The following ZMAT5 variants were observed in gnomAD, a reference collection of about 807,000 sequenced individuals.
ZMAT5 encodes the protein zinc finger matrin-type protein 5.
ZMAT5 carries 23 observed loss-of-function variants against 28.0 expected under a neutral mutation model. The ratio of observed to expected loss-of-function variants is 0.82; its 90% CI spans 0.59 to 1.16. The LOEUF is 1.16. Among genes scored for constraint, ZMAT5 ranks in the 50% most tolerant of loss-of-function variants. The probability of loss-of-function intolerance (pLI) is 0.00; values close to 1 mark genes in which losing one functional copy is unlikely to be tolerated. For missense variants in ZMAT5, 173 were observed against 212.7 expected (o/e 0.81, Z 1.16); for synonymous variants, 76 against 84.1 (o/e 0.90, Z 0.52).
At chr22:29,731,713 A>G in intron 5 of ZMAT5, 1 of 214,446 alleles carries the variant, frequency 4.7e-6, no homozygotes, top group Non-Finnish European at 9.1e-6. Flanking sequence ...GAGGAAAGAC[A>G]TACTGTGTGA....
rs534290252 is a variant in ZMAT5, at chr22:29,734,867, G to A, written c.383+3463C>T. Among the ~76,000 whole-genome samples the A allele has an allele frequency of 5.9e-5, 9 of 152,190 alleles. No homozygotes were observed. The South Asian group carries it at 1.9e-3, about 32-fold the overall frequency. On this transcript the variant is annotated intron_variant, in intron 5 of 5. Transcript: ENST00000344318. ...CCCAGCCCTGCAAATGGGGCTGTGC[G>A]GCCAGAGGTGGAGGATGTGGGGAAG...
At chr22:29,761,436 C>G (rs920345867) in intron 1 of ZMAT5, among the ~76,000 whole-genome samples, 3 of 151,858 alleles carry the variant, frequency 2.0e-5, no homozygotes, top group African/African-American at 7.3e-5. Context: ...AAAAATTAGC[C>G]AGACATGGTG....
At chr22:29,766,555 T>C (rs73392847) in intron 1 of ZMAT5, among the ~76,000 whole-genome samples, 2,555 of 152,316 alleles carry the variant, frequency 0.017, 76 homozygotes, top group African/African-American at 0.059. Flanking sequence ...CCCCAGGTAC[T>C]CCAAAGCCCT....
chr22:29,738,894 C>T (rs2147218864), intron 4 of ZMAT5, among the ~76,000 whole-genome samples: 1 of 152,082 alleles, frequency 6.6e-6, no homozygotes, highest in African/African-American at 2.4e-5. Context: ...GCCTGTAATC[C>T]CAGCTACTTG....
In ZMAT5 at chr22:29,731,220, G is replaced by A; in HGVS notation, c.*5C>T. 2.0e-6 allele frequency: 3 copies of A among 1,491,906 alleles called. No individual in the cohort carries two copies. The highest frequency in any genetic ancestry group is 2.7e-6 in the Non-Finnish European group (3 of 1,131,000). The allele number at this position is 1,491,906 out of a possible 1,614,324, so 92.4% of individuals were successfully genotyped here. On this transcript the variant is annotated 3_prime_UTR_variant, in exon 6 of 6. Coordinates refer to ENST00000344318, the MANE Select transcript of ZMAT5 (RefSeq NM_001003692.2). ...CCACGTGGGGGTCAGTCGGGGGCAA[G>A]GGGCTCAGCCCCACTGGACTCTGGG...
intron 1 of ZMAT5, among the ~76,000 whole-genome samples, chr22:29,764,671 T>C (rs1453476102): frequency 6.6e-6 from 1 of 152,082 alleles, no homozygotes; most frequent in Non-Finnish European, 1.5e-5. Flanking sequence ...TGGCTAATTT[T>C]TTTGTATTTT....
At chr22:29,743,628 C>T (rs960213161) in intron 2 of ZMAT5, among the ~76,000 whole-genome samples, 1 of 152,022 alleles carries the variant, frequency 6.6e-6, no homozygotes, top group Admixed American at 6.6e-5. Flanking sequence ...GATGGGGTTT[C>T]GCCATGTTAC....
At chr22:29,745,704 C>T (rs2068003085) in intron 2 of ZMAT5, among the ~76,000 whole-genome samples, 1 of 152,250 alleles carries the variant, frequency 6.6e-6, no homozygotes, top group South Asian at 2.1e-4. Flanking sequence ...GTGAGTGACA[C>T]CTGGGGACTG....
chr22:29,756,493 G>C (rs1249086294), intron 1 of ZMAT5, among the ~76,000 whole-genome samples: 2 of 152,156 alleles, frequency 1.3e-5, no homozygotes, highest in African/African-American at 2.4e-5. Flanking sequence ...CCTGGGGTAA[G>C]GCACATCATC....
intron 1 of ZMAT5, among the ~76,000 whole-genome samples, chr22:29,766,047 G>A (rs1367161369): frequency 6.6e-6 from 1 of 152,142 alleles, no homozygotes; most frequent in African/African-American, 2.4e-5. Context: ...AGACTCCTTG[G>A]CCAGACGCGG....
intron 2 of ZMAT5, chr22:29,747,943 T>C: frequency 4.0e-6 from 1 of 247,260 alleles, no homozygotes; most frequent in Non-Finnish European, 8.1e-6. Flanking sequence ...CTCTCTGCCC[T>C]TGGAACAGGG....
chr22:29,744,289 C>T (rs5997515), intron 2 of ZMAT5, among the ~76,000 whole-genome samples: 9,145 of 150,644 alleles, frequency 0.061, 320 homozygotes, highest in Middle Eastern at 0.1. Context: ...CTCTGAACAG[C>T]GCAAACATCC....
At chr22:29,753,091 G>A (rs965435498) in intron 1 of ZMAT5, among the ~76,000 whole-genome samples, 3 of 152,166 alleles carry the variant, frequency 2.0e-5, no homozygotes, top group Non-Finnish European at 4.4e-5. Flanking sequence ...TGTGCCTGGG[G>A]AGGCTGTCCG....
chr22:29,732,301 G>A (rs2147212339), intron 5 of ZMAT5, among the ~76,000 whole-genome samples: 1 of 152,348 alleles, frequency 6.6e-6, no homozygotes, highest in East Asian at 1.9e-4. Flanking sequence ...TCAAAAACAT[G>A]CAGACCCTTT....
At chr22:29,754,162 G>T (rs900772932) in intron 1 of ZMAT5, among the ~76,000 whole-genome samples, 2 of 152,148 alleles carry the variant, frequency 1.3e-5, no homozygotes, top group African/African-American at 4.8e-5. Context: ...ACCATCATGG[G>T]GTGCTGACTA....
At chr22:29,737,931 G>A (rs992804353) in intron 5 of ZMAT5, among the ~76,000 whole-genome samples, 15 of 151,988 alleles carry the variant, frequency 9.9e-5, no homozygotes, top group African/African-American at 2.9e-4. Flanking sequence ...ACATTTTCCC[G>A]TCTGTGTGCC....
chr22:29,756,850 C>T (rs1019238168), intron 1 of ZMAT5, among the ~76,000 whole-genome samples: 1 of 152,068 alleles, frequency 6.6e-6, no homozygotes, highest in Admixed American at 6.6e-5. Flanking sequence ...GAGTTCGAGG[C>T]TATCATGGTG....
At chr22:29,765,007 G>T (rs2068193169) in intron 1 of ZMAT5, among the ~76,000 whole-genome samples, 1 of 152,146 alleles carries the variant, frequency 6.6e-6, no homozygotes, top group South Asian at 2.1e-4. Context: ...CTAAACTACA[G>T]ATCCATGTCC....
intron 1 of ZMAT5, among the ~76,000 whole-genome samples, chr22:29,766,462 C>A (rs1301649852): frequency 6.6e-6 from 1 of 152,224 alleles, no homozygotes; most frequent in East Asian, 1.9e-4. Context: ...AGATTGAGCG[C>A]TCTGTGAGAG....
Sources: gnomAD v4.1 joint callset for allele counts (sites outside exome capture counted in the v4.1 genomes callset) on GRCh38, gnomAD v4.1.1 for gene constraint, MANE v1.5 for transcripts, NCBI Gene and HGNC (gene_info 2026-07-23, HGNC 2026-07-21) for gene names.